The following ACAP2 variants were observed in gnomAD, a reference collection of about 807,000 sequenced individuals.
The protein encoded by ACAP2 is ArfGAP with coiled-coil, ankyrin repeat and PH domains 2, also known as arf-GAP with coiled-coil, ANK repeat and PH domain-containing protein 2.
Under a neutral mutation model 115.8 loss-of-function variants are expected in ACAP2, and 39 were observed. The observed-to-expected ratio is 0.34, with a 90% CI of 0.26 to 0.44. The LOEUF is 0.44. ACAP2 is among the 20% of genes least tolerant of loss of function. The pLI, the probability that ACAP2 is intolerant of heterozygous loss-of-function variation, is 1.00. For synonymous variants in ACAP2, 289 were observed against 315.8 expected (o/e 0.92, Z 0.90); for missense variants, 662 against 927.6 (o/e 0.71, Z 3.72).
intron 4 of ACAP2, 69 bp downstream of exon 4, chr3:195,380,940 A>C: frequency 7.3e-7 from 1 of 1,364,408 alleles, no homozygotes; most frequent in African/African-American, 1.5e-5. Flanking sequence ...ATTTCATAAA[A>C]CATTGCGACT....
At chr3:195,294,609 TTA>T (rs869264780) in intron 18 of ACAP2, 108 bp downstream of exon 18, 3,171 of 36,820 alleles carry the variant, frequency 0.086, 131 homozygotes, top group African/African-American at 0.15. Context: ...AAAAAAAAAA[TTA>T]TATATATATA....
intron 1 of ACAP2, among the ~76,000 whole-genome samples, chr3:195,422,459 T>C (rs1056364544): frequency 1.1e-4 from 16 of 152,174 alleles, no homozygotes; most frequent in African/African-American, 3.9e-4. Context: ...CATGCTAAAA[T>C]ATTTTGCCTG....
chr3:195,363,312 G>A (rs987330072), intron 4 of ACAP2, among the ~76,000 whole-genome samples: 8 of 152,154 alleles, frequency 5.3e-5, no homozygotes, highest in Admixed American at 1.3e-4. Context: ...TTAATGGAGA[G>A]ACATTCTATG....
At chr3:195,293,223 T>C (rs990845056) in intron 18 of ACAP2, among the ~76,000 whole-genome samples, 2 of 152,176 alleles carry the variant, frequency 1.3e-5, no homozygotes, top group African/African-American at 4.8e-5. Flanking sequence ...ATAAAAACTT[T>C]TACTACTAGA....
chr3:195,351,946 C>T (rs1314666093), intron 4 of ACAP2, among the ~76,000 whole-genome samples: 1 of 152,192 alleles, frequency 6.6e-6, no homozygotes, highest in African/African-American at 2.4e-5. Flanking sequence ...CACTCTTGTA[C>T]ACTGCTGATG....
chr3:195,345,632 A>C (rs1219340044), intron 4 of ACAP2, among the ~76,000 whole-genome samples: 1 of 152,232 alleles, frequency 6.6e-6, no homozygotes. Context: ...AACCTAAAAC[A>C]GTAATACAAA....
chr3:195,377,395 T>C lies in ACAP2; in HGVS notation c.285+3614A>G, dbSNP rs551332890. ...CCAGGGCTCAAGCAATCAAACCACC[T>C]CAGCCTCCCAAAGTGCTGAGATTAC... On this transcript the variant is annotated intron_variant, in intron 4 of 22. Coordinates refer to ENST00000326793, the MANE Select transcript of ACAP2 (RefSeq NM_012287.6). Among the ~76,000 whole-genome samples the C allele has an allele frequency of 1.4e-3, 214 of 152,038 alleles. 8 individuals carry two copies. The South Asian group carries it at 0.044, about 31-fold the overall frequency.
At chr3:195,415,353 T>C (rs1360492483) in intron 1 of ACAP2, among the ~76,000 whole-genome samples, 6 of 150,984 alleles carry the variant, frequency 4.0e-5, no homozygotes, top group Non-Finnish European at 2.9e-5. Context: ...AATGGCTCAC[T>C]GCAACCTCCG....
Position 195,383,361 on chromosome 3 carries a change from T to C in ACAP2, c.112-1339A>G, listed in dbSNP as rs575607601. Among the ~76,000 whole-genome samples the C allele has an allele frequency of 1.6e-4, 25 of 151,592 alleles. No individual in the cohort carries two copies. The South Asian group carries it at 5.2e-3, about 32-fold the overall frequency. On this transcript the variant is annotated intron_variant, in intron 2 of 22. Transcript: ENST00000326793. The stretch of plus-strand genomic sequence containing the variant: ...CTGATCAATGTAAAAGAATACACAG[T>C]CAAAAAAACAGATACAAATATGCCA...
intron 7 of ACAP2, 96 bp downstream of exon 7, chr3:195,336,836 T>G (rs1221001612): frequency 2.1e-6 from 2 of 964,140 alleles, no homozygotes; most frequent in African/African-American, 1.7e-5. Flanking sequence ...ATTATAAACC[T>G]TATCATGTAT....
At chr3:195,325,011 T>C (rs533471861) in intron 9 of ACAP2, among the ~76,000 whole-genome samples, 2 of 152,156 alleles carry the variant, frequency 1.3e-5, no homozygotes, top group East Asian at 3.9e-4. Flanking sequence ...AAAAGACCAA[T>C]AGATATAAGA....
At chr3:195,297,665 G>A (rs947377472) in intron 15 of ACAP2, among the ~76,000 whole-genome samples, 6 of 152,202 alleles carry the variant, frequency 3.9e-5, no homozygotes, top group Non-Finnish European at 7.3e-5. Flanking sequence ...ACTAGCCAGT[G>A]TTAGGACAGT....
rs149035237 is a variant in ACAP2, at chr3:195,342,588, C to T, written c.411G>A (p.Ala137=). Residue 137 remains alanine (A), a synonymous_variant, in exon 6 of 23, where the codon GCG becomes GCA. Coordinates refer to ENST00000326793, the MANE Select transcript of ACAP2 (RefSeq NM_012287.6). ...FEKVSEEKEN[A]LVKNAQVQRN... is the part of the protein sequence containing the mutation. ...TTTGTACTTGGGCATTTTTTACTAA[C>T]GCATTTTCTTTTTCTTCACTGACTT... 90 of 1,611,984 alleles carry T rather than the reference C, an allele frequency of 5.6e-5. No homozygotes were observed. In the East Asian group the frequency reaches 1.6e-3, roughly 29 times the overall value.
intron 8 of ACAP2, among the ~76,000 whole-genome samples, chr3:195,331,828 T>A (rs113993506): frequency 6.6e-6 from 1 of 152,280 alleles, no homozygotes; most frequent in African/African-American, 2.4e-5. Flanking sequence ...TTTGTATGTA[T>A]ATGTATAGAA....
chr3:195,294,866 T>C, intron 17 of ACAP2, 55 bp from the exon 18 acceptor site: 1 of 1,167,182 alleles, frequency 8.6e-7, no homozygotes, highest in Non-Finnish European at 1.3e-6. Flanking sequence ...TAGAAAACAA[T>C]CTCCCACAAA....
intron 1 of ACAP2, among the ~76,000 whole-genome samples, chr3:195,430,147 G>C (rs1286882551): frequency 2.0e-5 from 3 of 152,154 alleles, no homozygotes; most frequent in African/African-American, 7.2e-5. Flanking sequence ...CTGCCAAGAT[G>C]ATCTGCCGGG....
chr3:195,376,425 G>T (rs1046425854), intron 4 of ACAP2, among the ~76,000 whole-genome samples: 1 of 151,732 alleles, frequency 6.6e-6, no homozygotes, highest in African/African-American at 2.4e-5. Flanking sequence ...AACAAAAGAA[G>T]TTTAAACATA....
rs7610022 is a variant in ACAP2 at position 195,279,267 on chromosome 3, T to A, written c.*61A>T. 0.81 allele frequency: 963,788 copies of A among 1,184,356 alleles called. 393,862 individuals carry two copies. Among genetic ancestry groups the A allele is most frequent in the East Asian group, 0.93 (36,989 of 39,896 alleles). 73.4% of individuals were successfully genotyped at this position (1,184,356 alleles called of 1,614,324 possible). A position where few individuals can be genotyped will look rare whatever the true frequency, so the allele number is the denominator to read the frequency against. ...AATTAAAGCAGTAAAAAAATTGTGATTTTTTAGCTGTATACATTAGGGGGT... is the reference window on the plus strand; with the variant it reads ...AATTAAAGCAGTAAAAAAATTGTGAATTTTTAGCTGTATACATTAGGGGGT... On this transcript the variant is annotated 3_prime_UTR_variant, in exon 23 of 23. Transcript: ENST00000326793.
chr3:195,388,867 C>G (rs936551695), intron 2 of ACAP2, among the ~76,000 whole-genome samples: 7 of 151,644 alleles, frequency 4.6e-5, no homozygotes, highest in Non-Finnish European at 1.0e-4. Flanking sequence ...ACTATAAATA[C>G]GAAAAAATTA....
Sources: gnomAD v4.1 joint callset for allele counts (sites outside exome capture counted in the v4.1 genomes callset) on GRCh38, gnomAD v4.1.1 for gene constraint, MANE v1.5 for transcripts, NCBI Gene and HGNC (gene_info 2026-07-23, HGNC 2026-07-21) for gene names.